The following CACNB2 variants were observed in gnomAD, a reference collection of about 807,000 sequenced individuals.
CACNB2 encodes the protein calcium voltage-gated channel auxiliary subunit beta 2.
In CACNB2, 42 loss-of-function variants were observed where a neutral mutation model predicts 73.3. The ratio of observed to expected loss-of-function variants is 0.57; its 90% CI spans 0.45 to 0.74. The LOEUF is 0.74. Among genes scored for constraint, CACNB2 ranks in the 30% least tolerant of loss-of-function variants. The pLI is 0.00. For missense variants in CACNB2, 940 were observed against 853.0 expected (o/e 1.10, Z -1.27); for synonymous variants, 348 against 310.3 (o/e 1.12, Z -1.28).
At chr10:18,244,610 A>G (rs1420411372) in intron 2 of CACNB2, among the ~76,000 whole-genome samples, 1 of 152,284 alleles carries the variant, frequency 6.6e-6, no homozygotes, top group South Asian at 2.1e-4. Context: ...TCTTTTGTCA[A>G]CCTTATGTAG....
intron 2 of CACNB2, among the ~76,000 whole-genome samples, chr10:18,225,520 CTCT>C (rs142040215): frequency 0.044 from 6,695 of 152,096 alleles, 494 homozygotes; most frequent in African/African-American, 0.15. Flanking sequence ...TTTTCTCTCT[CTCT>C]TTTCTTTTCT....
chr10:18,261,252 G>A, intron 2 of CACNB2: 1 of 1,551,022 alleles, frequency 6.4e-7, no homozygotes, highest in Non-Finnish European at 8.7e-7. Context: ...CACGCTGACT[G>A]CGTTCTGCCC....
chr10:18,188,306 G>T (rs530896998), intron 2 of CACNB2, among the ~76,000 whole-genome samples: 1 of 151,480 alleles, frequency 6.6e-6, no homozygotes, highest in African/African-American at 2.4e-5. Flanking sequence ...CTGCCCACCT[G>T]CCTTCCTGCC....
chr10:18,402,006 C>G lies in CACNB2; in HGVS notation c.296C>G (p.Ala99Gly), dbSNP rs745502425. 6.2e-7 allele frequency: 1 copy of G among 1,614,070 alleles called. No individual in the cohort carries two copies. Among genetic ancestry groups the G allele is most frequent in the Admixed American group, 1.7e-5 (1 of 60,014 alleles). ...GACCGGGAGGCAGTGCGCAGAGAAGCGGAGCGGCAGGCCCAGGCACAGTTG... is the reference window on the plus strand; with the variant it reads ...GACCGGGAGGCAGTGCGCAGAGAAGGGGAGCGGCAGGCCCAGGCACAGTTG... ...EEDREAVRREAERQAQAQLEK... is the reference protein window; with the variant it reads ...EEDREAVRREGERQAQAQLEK... The change falls in exon 3 of 14, where the codon GCG becomes GGG. Residue 99 changes from alanine (A) to glycine (G), a missense_variant. Physicochemically the swap from Ala to Gly is moderately conservative, Grantham distance 60. Transcript: ENST00000324631.
chr10:18,331,309 C>G (rs2040798263), intron 2 of CACNB2, among the ~76,000 whole-genome samples: 1 of 151,738 alleles, frequency 6.6e-6, no homozygotes, highest in Non-Finnish European at 1.5e-5. Flanking sequence ...TTAGATGATG[C>G]TGGGCACAAT....
chr10:18,355,626 T>C (rs570980039), intron 2 of CACNB2, among the ~76,000 whole-genome samples: 36 of 151,760 alleles, frequency 2.4e-4, no homozygotes, highest in Non-Finnish European at 4.0e-4. Context: ...GATCTGATTT[T>C]TCTCTTTTTT....
intron 4 of CACNB2, chr10:18,498,681 A>G (rs1425791609): frequency 3.5e-6 from 2 of 573,060 alleles, no homozygotes; most frequent in Admixed American, 2.8e-5. Context: ...GCCTCTTGCA[A>G]TAACTTCAGC....
At chr10:18,289,292 G>GTTTTTTTTT (rs1218890630) in intron 2 of CACNB2, among the ~76,000 whole-genome samples, 6 of 55,610 alleles carry the variant, frequency 1.1e-4, no homozygotes, top group Non-Finnish European at 2.1e-4. Flanking sequence ...TTGTTTTTTT[G>GTTTTTTTTT]TTTTGTTTTT....
intron 3 of CACNB2, among the ~76,000 whole-genome samples, chr10:18,441,856 A>G (rs957458734): frequency 6.6e-6 from 1 of 152,156 alleles, no homozygotes; most frequent in Admixed American, 6.5e-5. Flanking sequence ...CCTGGACTCA[A>G]GTGGTTCACC....
intron 2 of CACNB2, among the ~76,000 whole-genome samples, chr10:18,228,771 C>G (rs188468095): frequency 2.0e-5 from 3 of 152,076 alleles, no homozygotes; most frequent in African/African-American, 7.2e-5. Flanking sequence ...CAGAGTTTCA[C>G]TCTTGTCACC....
In CACNB2 at chr10:18,481,103, G is replaced by A. The variant is rs1259457098; in HGVS notation, c.334-17252G>A. On this transcript the variant is annotated intron_variant, in intron 3 of 13. Transcript: ENST00000324631. ...TGTGCTGTGAGGCTGTGCTCATCAC[G>A]CTTGTGTGCACAAAGCACTGGGCAG... is the stretch of plus-strand genomic sequence containing the variant. Among the ~76,000 whole-genome samples, 4 of 147,384 alleles carry A rather than the reference G, an allele frequency of 2.7e-5. No individual in the cohort carries two copies. In the South Asian group the frequency reaches 8.7e-4, roughly 32 times the overall value.
intron 11 of CACNB2, among the ~76,000 whole-genome samples, chr10:18,534,680 A>G (rs2133288479): frequency 6.6e-6 from 1 of 152,352 alleles, no homozygotes; most frequent in Admixed American, 6.5e-5. Context: ...ATGTCCTTAT[A>G]AAGTAGTAAA....
rs117780128 is a variant in CACNB2 at position 18,311,266 on chromosome 10, G to A, written c.214-90658G>A. ...TATTTGTGAATGATTGACTACTTTG[G>A]TTCATTATAGGCAGGTGGCATGGGT... On this transcript the variant is annotated intron_variant, in intron 2 of 13. Transcript: ENST00000324631. 1.8e-3 allele frequency among the ~76,000 whole-genome samples: 268 copies of A among 152,120 alleles called. 5 individuals carry two copies. The East Asian group carries it at 0.048, about 27-fold the overall frequency.
At chr10:18,332,995 AG>A (rs2040861642) in intron 2 of CACNB2, among the ~76,000 whole-genome samples, 2 of 152,176 alleles carry the variant, frequency 1.3e-5, no homozygotes, top group African/African-American at 4.8e-5. Context: ...TGGGGAGTAA[AG>A]GGGCCAAAAA....
At chr10:18,400,713 G>A (rs2043950931) in intron 2 of CACNB2, 2 of 1,164,482 alleles carry the variant, frequency 1.7e-6, no homozygotes, top group East Asian at 4.7e-5. Flanking sequence ...GGAAGAGAAT[G>A]TTTAGGGTTA....
chr10:18,456,507 C>T (rs1211609961), intron 3 of CACNB2, among the ~76,000 whole-genome samples: 3 of 152,108 alleles, frequency 2.0e-5, no homozygotes, highest in East Asian at 1.9e-4. Context: ...AATCCTATCA[C>T]GAGAACAGCG....
chr10:18,332,354 A>T, intron 2 of CACNB2, among the ~76,000 whole-genome samples: 1 of 152,296 alleles, frequency 6.6e-6, no homozygotes, highest in Middle Eastern at 3.4e-3. Flanking sequence ...CTGGGAGGAT[A>T]GGGGAGCATG....
intron 2 of CACNB2, among the ~76,000 whole-genome samples, chr10:18,303,521 A>T (rs10828452): frequency 0.19 from 28,225 of 151,866 alleles, 2,767 homozygotes; most frequent in Admixed American, 0.22. Context: ...AAAGAAAATT[A>T]AAAAAAAGGG....
chr10:18,188,248 CTGCCTTCTTTCCTTCT>C (rs1319640273), intron 2 of CACNB2, among the ~76,000 whole-genome samples: 4 of 151,588 alleles, frequency 2.6e-5, no homozygotes, highest in South Asian at 4.2e-4. Context: ...GCCTGCCTAC[CTGCCTTCTTTCCTTCT>C]TGCCTCCTTT....
Sources: allele counts gnomAD v4.1 joint callset (sites outside exome capture counted in the v4.1 genomes callset), GRCh38; gene constraint gnomAD v4.1.1; transcripts MANE v1.5; gene names NCBI Gene and HGNC (gene_info 2026-07-23, HGNC 2026-07-21).